PTPRD: variants seen among roughly 807,000 people sequenced by gnomAD.
PTPRD encodes receptor-type tyrosine-protein phosphatase delta.
PTPRD carries 34 observed loss-of-function variants against 214.5 expected under a neutral mutation model. The ratio of observed to expected loss-of-function variants is 0.16; its 90% confidence interval spans 0.12 to 0.21. The LOEUF (loss-of-function observed/expected upper bound fraction) is 0.21, where lower values mean the gene tolerates loss of function less well. Among genes scored for constraint, PTPRD ranks in the 10% least tolerant of loss-of-function variants. The pLI is 1.00. For missense variants in PTPRD, 2,545 were observed against 2,398.7 expected (o/e 1.06, Z -1.27); for synonymous variants, 1,128 against 845.7 (o/e 1.33, Z -5.79).
At chr9:9,949,022 A>C (rs2093142507) in intron 4 of PTPRD, among the ~76,000 whole-genome samples, 2 of 152,192 alleles carry the variant, frequency 1.3e-5, no homozygotes, top group East Asian at 1.9e-4. Context: ...GGTGGGATAA[A>C]GGGTGAAGAA....
At chr9:8,388,328 T>G (rs1388475612) in intron 37 of PTPRD, among the ~76,000 whole-genome samples, 1 of 152,180 alleles carries the variant, frequency 6.6e-6, no homozygotes, top group African/African-American at 2.4e-5. Flanking sequence ...TAAATATCCT[T>G]TTTGAGACTA....
At chr9:10,009,424 G>C (rs2096552928) in intron 4 of PTPRD, among the ~76,000 whole-genome samples, 2 of 151,948 alleles carry the variant, frequency 1.3e-5, no homozygotes, top group Non-Finnish European at 1.5e-5. Context: ...ACTCAAAGCA[G>C]GGGTTTCCAG....
intron 9 of PTPRD, among the ~76,000 whole-genome samples, chr9:9,353,430 C>T (rs774431462): frequency 1.1e-4 from 16 of 151,490 alleles, no homozygotes; most frequent in Non-Finnish European, 1.9e-4. Flanking sequence ...GAAATAAAGC[C>T]AGTTTAGGTT....
chr9:8,349,684 A>G (rs1482439205), intron 39 of PTPRD, among the ~76,000 whole-genome samples: 2 of 152,180 alleles, frequency 1.3e-5, no homozygotes, highest in African/African-American at 4.8e-5. Flanking sequence ...AGGAGTGCAT[A>G]ACCCTGTGCT....
intron 7 of PTPRD, among the ~76,000 whole-genome samples, chr9:9,705,748 AG>A (rs2097588127): frequency 6.6e-6 from 1 of 152,190 alleles, no homozygotes; most frequent in South Asian, 2.1e-4. Flanking sequence ...AAATCAAAAA[AG>A]TTTTTTATCT....
intron 4 of PTPRD, among the ~76,000 whole-genome samples, chr9:9,952,536 C>G (rs767698617): frequency 1.3e-5 from 2 of 152,108 alleles, no homozygotes; most frequent in East Asian, 3.9e-4. Context: ...GTTTCTCACT[C>G]GTTCTGACAA....
intron 14 of PTPRD, among the ~76,000 whole-genome samples, chr9:8,605,240 ATTAAACCT>A (rs2095135225): frequency 6.6e-6 from 1 of 152,244 alleles, no homozygotes; most frequent in African/African-American, 2.4e-5. Flanking sequence ...TTTGAAGTAT[ATTAAACCT>A]GACAATTTAA....
intron 35 of PTPRD, among the ~76,000 whole-genome samples, chr9:8,434,512 T>C (rs527626970): frequency 2.6e-5 from 4 of 152,314 alleles, no homozygotes; most frequent in Non-Finnish European, 5.9e-5. Context: ...TGTCATCAAG[T>C]GGTGCATGAC....
intron 4 of PTPRD, among the ~76,000 whole-genome samples, chr9:9,985,905 C>G (rs968354396): frequency 1.3e-5 from 2 of 152,032 alleles, no homozygotes; most frequent in East Asian, 3.9e-4. Flanking sequence ...TGTTTCTAAC[C>G]ATGAAAACTA....
chr9:9,457,409 T>C (rs1339568968), intron 8 of PTPRD, among the ~76,000 whole-genome samples: 1 of 152,158 alleles, frequency 6.6e-6, no homozygotes, highest in South Asian at 2.1e-4. Flanking sequence ...AAGAATTAAT[T>C]GAACTGAAAG....
At chr9:8,331,801 G>A (rs568840340) in intron 43 of PTPRD, 65 bp from the exon 44 acceptor site, 460 of 1,481,806 alleles carry the variant, frequency 3.1e-4, no homozygotes, top group Admixed American at 5.2e-4. Context: ...GCAAGCATAC[G>A]GACCACAAGA....
At chr9:9,968,479 A>G (rs1034694344) in intron 4 of PTPRD, among the ~76,000 whole-genome samples, 2 of 152,234 alleles carry the variant, frequency 1.3e-5, no homozygotes, top group African/African-American at 2.4e-5. Flanking sequence ...AATTAGCTAT[A>G]AAGAATTAAA....
At chr9:8,740,867 C>G (rs1004908897) in intron 11 of PTPRD, among the ~76,000 whole-genome samples, 2 of 152,250 alleles carry the variant, frequency 1.3e-5, no homozygotes, top group East Asian at 1.9e-4. Context: ...ACTATAAGCA[C>G]ACAATGATTC....
intron 2 of PTPRD, among the ~76,000 whole-genome samples, chr9:10,423,132 A>T (rs911339514): frequency 2.0e-5 from 3 of 152,100 alleles, no homozygotes; most frequent in African/African-American, 7.2e-5. Context: ...GCCATAAAAA[A>T]GGATGAATTC....
intron 8 of PTPRD, among the ~76,000 whole-genome samples, chr9:9,540,229 T>C (rs2077301229): frequency 1.3e-5 from 2 of 150,572 alleles, no homozygotes; most frequent in Admixed American, 6.7e-5. Flanking sequence ...TCAGATGAGA[T>C]ATGTTACTCA....
intron 2 of PTPRD, among the ~76,000 whole-genome samples, chr9:10,480,180 C>T (rs1403383157): frequency 6.6e-6 from 1 of 152,160 alleles, no homozygotes; most frequent in Non-Finnish European, 1.5e-5. Flanking sequence ...GTGCCACACT[C>T]AGATGATGTC....
chr9:8,452,518 C>G (rs2096000912), intron 33 of PTPRD, among the ~76,000 whole-genome samples: 1 of 152,130 alleles, frequency 6.6e-6, no homozygotes, highest in African/African-American at 2.4e-5. Flanking sequence ...TTTCAGAGGT[C>G]TCATCATTCT....
At position 9,980,939 on chromosome 9, in the gene PTPRD, C is replaced by CT. The variant is rs376583535; in HGVS notation, c.-471-42330dup. On this transcript the variant is annotated intron_variant, in intron 4 of 45. Transcript: ENST00000381196. ...TTGAGAGAAAAGGGAATTCATTATA[C>CT]TCTGGTAAGAATATCCATCTGTATA... Among the ~76,000 whole-genome samples, 4 of 64,492 alleles carry CT rather than the reference C, an allele frequency of 6.2e-5. 1 individual carries two copies. Among genetic ancestry groups the CT allele is most frequent in the Admixed American group, 4.6e-4 (3 of 6,526 alleles). 42.3% of individuals were successfully genotyped at this position (64,492 alleles called of 152,430 possible).
chr9:9,835,296 T>G (rs1274217205), intron 5 of PTPRD, among the ~76,000 whole-genome samples: 3 of 152,028 alleles, frequency 2.0e-5, no homozygotes, highest in Admixed American at 6.6e-5. Flanking sequence ...CCCTGAGACT[T>G]TTTTTTACAT....
Sources: gnomAD v4.1 joint callset for allele counts (sites outside exome capture counted in the v4.1 genomes callset) on GRCh38, gnomAD v4.1.1 for gene constraint, MANE v1.5 for transcripts, NCBI Gene and HGNC (gene_info 2026-07-23, HGNC 2026-07-21) for gene names.